ROCK2: variants seen among roughly 807,000 people sequenced by gnomAD.
The protein encoded by ROCK2 is Rho associated coiled-coil containing protein kinase 2.
Under a neutral mutation model 195.1 loss-of-function variants are expected in ROCK2, and 61 were observed. The observed-to-expected ratio is 0.31, with a 90% CI of 0.25 to 0.39. ROCK2 has a LOEUF of 0.39. Ranked by LOEUF, ROCK2 falls within the 10% of genes least tolerant of loss-of-function variation. The pLI is 1.00. For missense variants in ROCK2, 1,109 were observed against 1,637.4 expected (o/e 0.68, Z 5.57); for synonymous variants, 504 against 545.5 (o/e 0.92, Z 1.06).
At chr2:11,256,571 T>C (rs993919155) in intron 3 of ROCK2, among the ~76,000 whole-genome samples, 2 of 150,206 alleles carry the variant, frequency 1.3e-5, no homozygotes, top group African/African-American at 2.5e-5. Context: ...ATATCTAATA[T>C]ACATATTATA....
At chr2:11,256,737 A>G (rs1226496843) in intron 3 of ROCK2, among the ~76,000 whole-genome samples, 3 of 151,398 alleles carry the variant, frequency 2.0e-5, no homozygotes, top group Non-Finnish European at 4.4e-5. Context: ...TATAAGAGAT[A>G]AGGTAATTTA....
intron 17 of ROCK2, 108 bp downstream of exon 17, chr2:11,214,249 A>G (rs901201930): frequency 6.3e-6 from 4 of 632,370 alleles, no homozygotes; most frequent in Non-Finnish European, 8.3e-6. Flanking sequence ...GGAATCCATG[A>G]GCATGTGGAA....
rs1662900581 is a variant in ROCK2, at chr2:11,179,802, A to T, written c.*3635T>A. On this transcript the variant is annotated 3_prime_UTR_variant, in exon 33 of 33. Coordinates refer to ENST00000315872, the MANE Select transcript of ROCK2 (RefSeq NM_004850.5). ...CATTTATTTTATTTTATTTTTTTAT[A>T]AAAAAGCAGGCATAAAATACAATTA... 6.6e-6 allele frequency: 1 copy of T among 152,174 alleles called. No homozygotes were observed. Among genetic ancestry groups the T allele is most frequent in the South Asian group, 2.1e-4 (1 of 4,830 alleles). 9.4% of individuals were successfully genotyped at this position (152,174 alleles called of 1,614,324 possible).
intron 1 of ROCK2, among the ~76,000 whole-genome samples, chr2:11,295,505 T>A (rs1050549262): frequency 1.1e-4 from 17 of 152,220 alleles, no homozygotes; most frequent in African/African-American, 4.1e-4. Context: ...TTATGTTTTA[T>A]TAATTTTCCT....
At chr2:11,330,884 T>G (rs1202493294) in intron 1 of ROCK2, among the ~76,000 whole-genome samples, 81 of 1,832 alleles carry the variant, frequency 0.044, no homozygotes, top group Non-Finnish European at 0.052. Context: ...GGAAGAGGAA[T>G]GAGGAGGAGG....
chr2:11,259,769 T>G (rs1267814707), intron 3 of ROCK2, among the ~76,000 whole-genome samples: 1 of 151,400 alleles, frequency 6.6e-6, no homozygotes, highest in Non-Finnish European at 1.5e-5. Flanking sequence ...TAAAAAAAAT[T>G]TTTTGAAATT....
At position 11,311,127 on chromosome 2, in the gene ROCK2, A is replaced by G. The variant is rs990799983; in HGVS notation, c.142-23391T>C. 2.6e-5 allele frequency among the ~76,000 whole-genome samples: 4 copies of G among 152,150 alleles called. No homozygotes were observed. The South Asian group carries it at 6.2e-4, about 24-fold the overall frequency. On this transcript the variant is annotated intron_variant, in intron 1 of 32. Transcript: ENST00000315872. Reference sequence around the variant, plus strand: ...ATTCTACTATCTAGTACAGTGAAACACTTTTTAAAAAAACAAACAATTCTT... The same window carrying G: ...ATTCTACTATCTAGTACAGTGAAACGCTTTTTAAAAAAACAAACAATTCTT...
At chr2:11,299,630 T>C (rs1231654945) in intron 1 of ROCK2, among the ~76,000 whole-genome samples, 2 of 152,078 alleles carry the variant, frequency 1.3e-5, no homozygotes, top group East Asian at 3.8e-4. Flanking sequence ...GAGCAGGTCT[T>C]TCTGCTATTC....
rs538467742 is a variant in ROCK2 at position 11,222,747 on chromosome 2, T to A, written c.1008-573A>T. ...CTCTGAGTCTTCAATGAAGACTGTA[T>A]GGAAATAGAGAGCATCTGTGTTATA... On this transcript the variant is annotated intron_variant, in intron 7 of 32. Coordinates refer to ENST00000315872, the MANE Select transcript of ROCK2 (RefSeq NM_004850.5). 3.3e-5 allele frequency among the ~76,000 whole-genome samples: 5 copies of A among 152,258 alleles called. No homozygotes were observed. In the South Asian group the frequency reaches 1.0e-3, roughly 32 times the overall value.
chr2:11,208,582 A>G, intron 18 of ROCK2, 135 bp from the exon 19 acceptor site: 1 of 450,616 alleles, frequency 2.2e-6, no homozygotes, highest in Admixed American at 4.5e-5. Flanking sequence ...ATATTCTATT[A>G]ATTTTCTTTT....
intron 3 of ROCK2, among the ~76,000 whole-genome samples, chr2:11,259,675 A>C (rs1360536402): frequency 1.3e-5 from 2 of 151,370 alleles, no homozygotes; most frequent in African/African-American, 4.9e-5. Flanking sequence ...AATTATCCTT[A>C]GTGATACATA....
At chr2:11,214,149 T>C (rs1296825458) in intron 17 of ROCK2, among the ~76,000 whole-genome samples, 1 of 152,170 alleles carries the variant, frequency 6.6e-6, no homozygotes, top group African/African-American at 2.4e-5. Flanking sequence ...CCTTACTTCA[T>C]GAGCAACCAG....
At chr2:11,318,968 T>C (rs1668316009) in intron 1 of ROCK2, among the ~76,000 whole-genome samples, 1 of 152,230 alleles carries the variant, frequency 6.6e-6, no homozygotes, top group South Asian at 2.1e-4. Context: ...TCTATATCTC[T>C]GTTTTGGTAC....
chr2:11,202,396 A>G (rs1367138194), intron 20 of ROCK2, among the ~76,000 whole-genome samples: 1 of 152,038 alleles, frequency 6.6e-6, no homozygotes, highest in East Asian at 1.9e-4. Flanking sequence ...TGTGTTTTAA[A>G]GTTTTCTCAG....
chr2:11,231,396 T>G (rs926717077), intron 5 of ROCK2, among the ~76,000 whole-genome samples: 1 of 152,066 alleles, frequency 6.6e-6, no homozygotes, highest in Non-Finnish European at 1.5e-5. Flanking sequence ...TTAGTAGAGA[T>G]GGGGTTTCAC....
chr2:11,224,763 T>C (rs1215320850), intron 6 of ROCK2, among the ~76,000 whole-genome samples: 1 of 151,900 alleles, frequency 6.6e-6, no homozygotes, highest in Non-Finnish European at 1.5e-5. Context: ...TTTTACTGAA[T>C]AGTCCAAGAG....
At position 11,181,420 on chromosome 2, in the gene ROCK2, C is replaced by G. The variant is rs996187098; in HGVS notation, c.*2017G>C. ...ACACCTGCAAAGGAAACGGCATGCA[C>G]GTCTAGTCTGAGCACAGACAGCACA... On this transcript the variant is annotated 3_prime_UTR_variant, in exon 33 of 33. Transcript: ENST00000315872. 6.6e-6 allele frequency: 1 copy of G among 151,792 alleles called. No individual in the cohort carries two copies. The highest frequency in any genetic ancestry group is 1.5e-5 in the Non-Finnish European group (1 of 67,966). The allele number at this position is 151,792 out of a possible 1,614,324, so 9.4% of individuals were successfully genotyped here. A position where few individuals can be genotyped will look rare whatever the true frequency, so the allele number is the denominator to read the frequency against.
chr2:11,342,178 C>T (rs1669127200), intron 1 of ROCK2, among the ~76,000 whole-genome samples: 1 of 152,092 alleles, frequency 6.6e-6, no homozygotes, highest in Non-Finnish European at 1.5e-5. Flanking sequence ...TTTACTGCAC[C>T]TCAAGCATAT....
intron 1 of ROCK2, among the ~76,000 whole-genome samples, chr2:11,334,998 T>C (rs1008609382): frequency 6.6e-6 from 1 of 151,972 alleles, no homozygotes; most frequent in African/African-American, 2.4e-5. Context: ...AGCCCATACC[T>C]TACCAAAATG....
Sources: allele counts gnomAD v4.1 joint callset (sites outside exome capture counted in the v4.1 genomes callset), GRCh38; gene constraint gnomAD v4.1.1; transcripts MANE v1.5; gene names NCBI Gene and HGNC (gene_info 2026-07-23, HGNC 2026-07-21).